The following GPC6 variants were observed in gnomAD, a reference collection of about 807,000 sequenced individuals.
GPC6 encodes the protein glypican-6.
GPC6 carries 14 observed loss-of-function variants against 55.2 expected under a neutral mutation model. The ratio of observed to expected loss-of-function variants is 0.25; its 90% CI spans 0.17 to 0.40. The LOEUF is 0.40. Ranked by LOEUF, GPC6 falls within the 10% of genes least tolerant of loss-of-function variation. The pLI is 1.00. For missense variants in GPC6, 641 were observed against 708.5 expected, an observed-to-expected ratio of 0.90 and a Z score of 1.08; for synonymous variants, 278 against 259.6, an observed-to-expected ratio of 1.07 and a Z score of -0.68.
intron 2 of GPC6, among the ~76,000 whole-genome samples, chr13:93,626,204 C>T (rs55717036): frequency 0.029 from 4,470 of 152,190 alleles, 236 homozygotes; most frequent in African/African-American, 0.1. Context: ...TAAAGCAGGG[C>T]CAGCTACATG....
chr13:94,216,960 AC>A (rs1890244443), intron 4 of GPC6, among the ~76,000 whole-genome samples: 1 of 152,304 alleles, frequency 6.6e-6, no homozygotes, highest in South Asian at 2.1e-4. Flanking sequence ...GCTTTATCAA[AC>A]TACTTAAACT....
chr13:93,431,765 G>C (rs1375769350), intron 1 of GPC6, among the ~76,000 whole-genome samples: 1 of 152,100 alleles, frequency 6.6e-6, no homozygotes, highest in Non-Finnish European at 1.5e-5. Flanking sequence ...GAAAAAGATG[G>C]ACAACGTTGG....
intron 1 of GPC6, among the ~76,000 whole-genome samples, chr13:93,433,421 T>G (rs7331613): frequency 0.24 from 37,061 of 152,080 alleles, 4,491 homozygotes; most frequent in Middle Eastern, 0.29. Flanking sequence ...AAATTACATG[T>G]AAATAAATGT....
At position 93,270,720 on chromosome 13, in the gene GPC6, CAAA is replaced by C. The variant is rs35973627; in HGVS notation, c.160+43119_160+43121del. Among the ~76,000 whole-genome samples, 564 of 127,974 alleles carry C rather than the reference CAAA, an allele frequency of 4.4e-3. 3 individuals carry two copies. In the Middle Eastern group the frequency reaches 0.05, roughly 11 times the overall value. 84.0% of individuals were successfully genotyped at this position (127,974 alleles called of 152,430 possible). A position where few individuals can be genotyped will look rare whatever the true frequency, so the allele number is the denominator to read the frequency against. On this transcript the variant is annotated intron_variant, in intron 1 of 8. Transcript: ENST00000377047. The stretch of plus-strand genomic sequence containing the variant: ...TTTTAAAATTTATGTTTATTTTCCT[CAAA>C]AAAAAAAAAAAAAAGCTCCAAGTGG...
intron 4 of GPC6, among the ~76,000 whole-genome samples, chr13:94,084,651 AG>A (rs1885219650): frequency 1.3e-5 from 2 of 151,996 alleles, no homozygotes; most frequent in Non-Finnish European, 1.5e-5. Flanking sequence ...CTGAGTTGAA[AG>A]GGGAATTCTC....
chr13:93,298,864 C>G (rs1426568094), intron 1 of GPC6, among the ~76,000 whole-genome samples: 1 of 151,008 alleles, frequency 6.6e-6, no homozygotes, highest in East Asian at 1.9e-4. Context: ...GATGCAATCC[C>G]TTCCGTTGGT....
chr13:93,912,719 G>C (rs1877070277), intron 3 of GPC6, among the ~76,000 whole-genome samples: 1 of 152,102 alleles, frequency 6.6e-6, no homozygotes, highest in Non-Finnish European at 1.5e-5. Flanking sequence ...CTCCAGCCTG[G>C]GCGACAGATA....
intron 1 of GPC6, among the ~76,000 whole-genome samples, chr13:93,235,070 A>G (rs2080469588): frequency 6.6e-6 from 1 of 152,246 alleles, no homozygotes; most frequent in Admixed American, 6.5e-5. Flanking sequence ...ATTGTGCCAT[A>G]ATTTCCATCA....
chr13:94,306,331 AGAAAC>A, intron 6 of GPC6: 2 of 663,790 alleles, frequency 3.0e-6, no homozygotes, highest in Non-Finnish European at 5.4e-6. Context: ...TAATCCATTA[AGAAAC>A]TATTAATGCA....
intron 6 of GPC6, among the ~76,000 whole-genome samples, chr13:94,338,513 T>A (rs2139152483): frequency 6.6e-6 from 1 of 152,260 alleles, no homozygotes; most frequent in Non-Finnish European, 1.5e-5. Context: ...CCATATTTGG[T>A]CCTGAGGTTT....
intron 4 of GPC6, among the ~76,000 whole-genome samples, chr13:94,283,206 T>C (rs574881989): frequency 6.6e-6 from 1 of 152,348 alleles, no homozygotes; most frequent in South Asian, 2.1e-4. Context: ...TGGTGACTTA[T>C]AAAAGCTAAG....
At chr13:94,026,765 G>C (rs1882914657) in intron 3 of GPC6, among the ~76,000 whole-genome samples, 1 of 152,096 alleles carries the variant, frequency 6.6e-6, no homozygotes, top group African/African-American at 2.4e-5. Context: ...GGCAGAAGGG[G>C]AAGCAAACAC....
chr13:94,277,138 G>A (rs115367121), intron 4 of GPC6, among the ~76,000 whole-genome samples: 2,756 of 152,256 alleles, frequency 0.018, 96 homozygotes, highest in African/African-American at 0.063. Context: ...TCTGACTGGC[G>A]TCAGATGGTA....
chr13:94,283,176 C>A (rs979266821), intron 4 of GPC6, among the ~76,000 whole-genome samples: 2 of 152,208 alleles, frequency 1.3e-5, no homozygotes, highest in African/African-American at 4.8e-5. Flanking sequence ...CCTTTCCTTT[C>A]CCCTTACAGT....
chr13:93,396,743 T>G (rs1875873149), intron 1 of GPC6, among the ~76,000 whole-genome samples: 1 of 152,164 alleles, frequency 6.6e-6, no homozygotes, highest in African/African-American at 2.4e-5. Flanking sequence ...TGATTGCTTA[T>G]ATCAGTGATT....
intron 1 of GPC6, among the ~76,000 whole-genome samples, chr13:93,544,250 C>T (rs570380422): frequency 3.9e-5 from 6 of 152,240 alleles, no homozygotes; most frequent in African/African-American, 1.4e-4. Flanking sequence ...AAGCATTAAA[C>T]TACACGAAGA....
intron 2 of GPC6, among the ~76,000 whole-genome samples, chr13:93,829,920 T>G (rs1490191597): frequency 6.6e-6 from 1 of 152,214 alleles, no homozygotes; most frequent in Non-Finnish European, 1.5e-5. Flanking sequence ...GATTACATGG[T>G]AGACTCCTAA....
At chr13:93,948,681 G>A (rs1037860414) in intron 3 of GPC6, among the ~76,000 whole-genome samples, 1 of 152,166 alleles carries the variant, frequency 6.6e-6, no homozygotes, top group Non-Finnish European at 1.5e-5. Context: ...TGCTAGATAA[G>A]TAAACACTGT....
intron 1 of GPC6, among the ~76,000 whole-genome samples, chr13:93,330,355 T>A (rs1879801381): frequency 2.0e-5 from 3 of 152,038 alleles, no homozygotes; most frequent in African/African-American, 7.2e-5. Flanking sequence ...CAAGATGCCA[T>A]CTCTACCAAG....
Sources: allele counts gnomAD v4.1 joint callset (sites outside exome capture counted in the v4.1 genomes callset), GRCh38; gene constraint gnomAD v4.1.1; transcripts MANE v1.5; gene names NCBI Gene and HGNC (gene_info 2026-07-23, HGNC 2026-07-21).